Variants in CELF2 observed in about 807,000 individuals in gnomAD.
The protein encoded by CELF2 is CUG triplet repeat RNA-binding protein 2.
In CELF2, 8 loss-of-function variants were observed where a neutral mutation model predicts 62.6. The observed-to-expected ratio is 0.13, with a 90% CI of 0.07 to 0.23. The LOEUF is 0.23. Ranked by LOEUF, CELF2 falls within the 10% of genes least tolerant of loss-of-function variation. The pLI is 1.00. For missense variants in CELF2, 333 were observed against 671.0 expected (o/e 0.50, Z 5.56); for synonymous variants, 258 against 250.0 (o/e 1.03, Z -0.30).
intron 1 of CELF2, among the ~76,000 whole-genome samples, chr10:10,904,939 G>C (rs1175986833): frequency 6.6e-6 from 1 of 151,962 alleles, no homozygotes; most frequent in Admixed American, 6.6e-5. Flanking sequence ...CTCTCATTTC[G>C]TCCTTTAGAT....
At chr10:10,834,973 T>C (rs1208809446) in intron 1 of CELF2, among the ~76,000 whole-genome samples, 1 of 152,140 alleles carries the variant, frequency 6.6e-6, no homozygotes, top group Non-Finnish European at 1.5e-5. Context: ...AGTAACAAAA[T>C]TCTGTCTCTC....
intron 1 of CELF2, among the ~76,000 whole-genome samples, chr10:11,155,628 T>G (rs952200376): frequency 6.6e-6 from 1 of 152,220 alleles, no homozygotes; most frequent in Admixed American, 6.5e-5. Flanking sequence ...AAGGCATTTT[T>G]GGGAAAAAGA....
the CELF2 span, among the ~76,000 whole-genome samples, chr10:10,501,653 A>C: frequency 2.0e-5 from 3 of 152,102 alleles, no homozygotes; most frequent in Admixed American, 6.6e-5. Flanking sequence ...TGTATCCTGC[A>C]ACTTTGCTGA....
intron 1 of CELF2, among the ~76,000 whole-genome samples, chr10:11,044,012 C>T (rs922046250): frequency 6.6e-6 from 1 of 152,228 alleles, no homozygotes; most frequent in Non-Finnish European, 1.5e-5. Context: ...TCTGTGCTCG[C>T]TCTTCTCTCT....
At chr10:11,127,526 C>G (rs2058914959) in intron 1 of CELF2, among the ~76,000 whole-genome samples, 1 of 152,138 alleles carries the variant, frequency 6.6e-6, no homozygotes. Context: ...TAAAAGTGTT[C>G]CTATTTCTCC....
At position 10,924,281 on chromosome 10, in the gene CELF2, CAAAA is replaced by C. The variant is rs11415164; in HGVS notation, c.89+4308_89+4311del. Among the ~76,000 whole-genome samples the C allele has an allele frequency of 2.3e-3, 103 of 45,082 alleles. 2 individuals are homozygous for C. Among genetic ancestry groups the C allele is most frequent in the African/African-American group, 7.3e-3 (85 of 11,616 alleles). The allele number at this position is 45,082 out of a possible 152,430, so 29.6% of individuals were successfully genotyped here. A position where few individuals can be genotyped will look rare whatever the true frequency, so the allele number is the denominator to read the frequency against. ...TGGGCAACACAGCGAGACTCCGTCC[CAAAA>C]AAAAAAAAAAAAAAAAAAAAAAAAA... On this transcript the variant is annotated intron_variant, in intron 2 of 13. Coordinates refer to the CELF2 transcript ENST00000636488.
At chr10:10,823,957 G>C (rs1590825463) in intron 1 of CELF2, among the ~76,000 whole-genome samples, 2 of 152,096 alleles carry the variant, frequency 1.3e-5, no homozygotes, top group South Asian at 4.1e-4. Flanking sequence ...TGGATAGATA[G>C]ATCTAGCAGA....
At chr10:10,617,078 G>T in the CELF2 span, among the ~76,000 whole-genome samples, 5 of 152,032 alleles carry the variant, frequency 3.3e-5, no homozygotes, top group Non-Finnish European at 7.4e-5. Context: ...TTTCTAAATT[G>T]AAAAAATTCC....
At chr10:10,845,420 T>G (rs1186037674) in intron 1 of CELF2, among the ~76,000 whole-genome samples, 2 of 149,592 alleles carry the variant, frequency 1.3e-5, no homozygotes, top group Non-Finnish European at 3.0e-5. Flanking sequence ...AACTTTACAA[T>G]GAAACAGAAA....
At chr10:11,195,943 TAA>T (rs1351894648) in intron 2 of CELF2, among the ~76,000 whole-genome samples, 2 of 151,962 alleles carry the variant, frequency 1.3e-5, no homozygotes, top group Non-Finnish European at 2.9e-5. Flanking sequence ...CACAAAATAT[TAA>T]TACTCTTTTT....
At chr10:11,041,889 T>C (rs1018207439) in intron 1 of CELF2, among the ~76,000 whole-genome samples, 9 of 152,254 alleles carry the variant, frequency 5.9e-5, no homozygotes, top group African/African-American at 2.2e-4. Context: ...GATTTTCATA[T>C]ATTTGGTGCA....
the CELF2 span, among the ~76,000 whole-genome samples, chr10:10,475,748 G>A: frequency 1.8e-4 from 28 of 152,026 alleles, no homozygotes; most frequent in African/African-American, 6.5e-4. Context: ...GGCCTTCTCT[G>A]TATTTTTTTA....
At position 10,894,244 on chromosome 10, in the gene CELF2, A is replaced by G. The variant is rs573507087; in HGVS notation, c.54-25720A>G. Among the ~76,000 whole-genome samples, 8 of 152,318 alleles carry G rather than the reference A, an allele frequency of 5.3e-5. No homozygotes were observed. The South Asian group carries it at 1.7e-3, about 32-fold the overall frequency. ...AAGTGCAGAGAGGAGGTATAATATG[A>G]ACTTTAAAATGGATTATAAAGAGCC... On this transcript the variant is annotated intron_variant, in intron 1 of 13. Coordinates refer to the CELF2 transcript ENST00000636488.
At chr10:10,550,569 A>G in the CELF2 span, among the ~76,000 whole-genome samples, 2 of 152,132 alleles carry the variant, frequency 1.3e-5, no homozygotes, top group Admixed American at 6.5e-5. Context: ...TTATAAGCAT[A>G]AGGTAATGAG....
the CELF2 span, among the ~76,000 whole-genome samples, chr10:10,568,788 G>A: frequency 6.6e-6 from 1 of 152,114 alleles, no homozygotes; most frequent in African/African-American, 2.4e-5. Context: ...GAGGGGAAAG[G>A]TTTTGAAGTT....
intron 1 of CELF2, among the ~76,000 whole-genome samples, chr10:10,824,712 C>G (rs76134628): frequency 6.6e-6 from 1 of 152,358 alleles, no homozygotes; most frequent in African/African-American, 2.4e-5. Flanking sequence ...GCTGCACAGA[C>G]TGTGCGTGAA....
At chr10:10,733,810 A>T in the CELF2 span, among the ~76,000 whole-genome samples, 3 of 152,130 alleles carry the variant, frequency 2.0e-5, no homozygotes, top group Admixed American at 1.3e-4. Context: ...CTCCCACAAC[A>T]TGAGGGAATT....
the CELF2 span, among the ~76,000 whole-genome samples, chr10:10,727,445 C>T: frequency 2.2e-4 from 33 of 152,264 alleles, no homozygotes; most frequent in Admixed American, 5.2e-4. Context: ...ATGTCATCAT[C>T]ATCCACAACA....
chr10:11,328,377 C>T lies in CELF2; in HGVS notation c.1439-549C>T, dbSNP rs1458832494. On this transcript the variant is annotated intron_variant, in intron 12 of 12. Transcript: ENST00000633077. The surrounding 1 kb of genome is among the most constrained non-coding windows in gnomAD (Gnocchi z 6.4). ...CTAATTGACCCATCCTCCAGCTAAACAGGTGTAGGCTCTGTGTGACAGACG... is the reference window on the plus strand; with the variant it reads ...CTAATTGACCCATCCTCCAGCTAAATAGGTGTAGGCTCTGTGTGACAGACG... 6.6e-6 allele frequency among the ~76,000 whole-genome samples: 1 copy of T among 152,232 alleles called. No homozygotes were observed. Among genetic ancestry groups the T allele is most frequent in the Non-Finnish European group, 1.5e-5 (1 of 68,038 alleles).
Sources: gnomAD v4.1 joint callset for allele counts (sites outside exome capture counted in the v4.1 genomes callset) on GRCh38, gnomAD v4.1.1 for gene constraint, Gnocchi (gnomAD v3.1) non-coding constraint, MANE v1.5 for transcripts, NCBI Gene and HGNC (gene_info 2026-07-23, HGNC 2026-07-21) for gene names.